Variants in NCF2 observed in about 807,000 individuals in gnomAD.
The protein encoded by NCF2 is neutrophil cytosolic factor 2, also known as neutrophil cytosol factor 2.
Under a neutral mutation model 70.9 loss-of-function variants are expected in NCF2, and 45 were observed. That is an observed-to-expected ratio of 0.63 (90% CI 0.50 to 0.81). NCF2 has a LOEUF of 0.81. Among genes scored for constraint, NCF2 ranks in the 40% least tolerant of loss-of-function variants. The pLI, the probability that NCF2 is intolerant of heterozygous loss-of-function variation, is 0.00. For synonymous variants in NCF2, 203 were observed against 233.6 expected (o/e 0.87, Z 1.19); for missense variants, 522 against 631.6 (o/e 0.83, Z 1.86).
At chr1:183,581,345 G>C (rs1256520286) in intron 2 of NCF2, among the ~76,000 whole-genome samples, 4 of 150,620 alleles carry the variant, frequency 2.7e-5, no homozygotes, top group Admixed American at 2.6e-4. Context: ...AAAAAACAGG[G>C]TGGGGCCAGG....
chr1:183,560,291 C>T lies in NCF2; in HGVS notation c.1291-18G>A, dbSNP rs749907634. 6.2e-7 allele frequency: 1 copy of T among 1,614,068 alleles called. No homozygotes were observed. Among genetic ancestry groups the T allele is most frequent in the Non-Finnish European group, 8.5e-7 (1 of 1,179,944 alleles). On this transcript the variant is annotated intron_variant, in intron 13 of 14. Transcript: ENST00000367535. ...TGGTCACCCTGAAATAATAAAGGGCCTGTTAATTTTCCCAATTTCCTGCCA... is the reference window on the plus strand; with the variant it reads ...TGGTCACCCTGAAATAATAAAGGGCTTGTTAATTTTCCCAATTTCCTGCCA...
In NCF2 at chr1:183,556,123, C is replaced by T. The variant is rs762269733; in HGVS notation, c.1576G>A (p.Val526Ile). ...TTTGTAGTTTGTGAAACATCCTAGA[C>T]TTCTCTCCGAGTGCTTTCCAAATCT... ...TTDLESTRRE[V>I] The change falls in exon 15 of 15, where the codon GTC becomes ATC. Residue 526 changes from valine (V) to isoleucine (I), a missense_variant. By Grantham distance (29) the Val-to-Ile change is conservative (BLOSUM62 3). Transcript: ENST00000367535. 6.2e-7 allele frequency: 1 copy of T among 1,613,790 alleles called. No homozygotes were observed. The highest frequency in any genetic ancestry group is 8.5e-7 in the Non-Finnish European group (1 of 1,179,654).
chr1:183,593,750 T>G (rs1673727242), upstream of NCF2, among the ~76,000 whole-genome samples: 2 of 152,208 alleles, frequency 1.3e-5, no homozygotes, highest in South Asian at 4.1e-4. Context: ...GGCAGTCTAT[T>G]TAATCATTAC....
At chr1:183,601,103 C>G in the NCF2 span, among the ~76,000 whole-genome samples, 1 of 152,200 alleles carries the variant, frequency 6.6e-6, no homozygotes, top group African/African-American at 2.4e-5. Context: ...ACTCTTCCTG[C>G]CCATCAGAAA....
At chr1:183,575,096 G>A (rs1207921354) in intron 3 of NCF2, among the ~76,000 whole-genome samples, 1 of 152,206 alleles carries the variant, frequency 6.6e-6, no homozygotes, top group Non-Finnish European at 1.5e-5. Context: ...CAGGTACAGA[G>A]CCGGAAGATG....
At chr1:183,567,408 A>C (rs772674498) in intron 7 of NCF2, 63 bp from the exon 8 acceptor site, 4 of 1,606,780 alleles carry the variant, frequency 2.5e-6, no homozygotes, top group South Asian at 1.1e-5. Context: ...GCGCAAATAC[A>C]CTGAACTTGG....
chr1:183,585,496 G>A (rs1299950465), intron 2 of NCF2, among the ~76,000 whole-genome samples: 1 of 151,904 alleles, frequency 6.6e-6, no homozygotes, highest in East Asian at 1.9e-4. Context: ...GTAGTGGCGG[G>A]CACCTGTAAT....
chr1:183,599,798 C>T, the NCF2 span, among the ~76,000 whole-genome samples: 2 of 152,046 alleles, frequency 1.3e-5, no homozygotes, highest in East Asian at 3.9e-4. Flanking sequence ...GGTGAAACGC[C>T]CACCTCAGCC....
chr1:183,584,974 G>A (rs148058862), intron 2 of NCF2, among the ~76,000 whole-genome samples: 146 of 152,244 alleles, frequency 9.6e-4, no homozygotes, highest in South Asian at 3.3e-3. Flanking sequence ...TAAATGCCTG[G>A]ATATCTTCTC....
intron 7 of NCF2, 54 bp from the exon 8 acceptor site, chr1:183,567,399 C>G (rs112923747): frequency 1.2e-6 from 2 of 1,609,898 alleles, no homozygotes; most frequent in Non-Finnish European, 1.7e-6. Context: ...GATGCCATGG[C>G]GCAAATACAC....
At position 183,573,207 on chromosome 1, in the gene NCF2, T is replaced by C; in HGVS notation, c.587A>G (p.Lys196Arg). Reference sequence around the variant, plus strand: ...TACCGTCGCCTTGCCTAGGTAATCCTTCTTGGCCAGCTGAGCCACTTGTCT... The same window carrying C: ...TACCGTCGCCTTGCCTAGGTAATCCCTCTTGGCCAGCTGAGCCACTTGTCT... ...NERQVAQLAK[K>R]DYLGKATVVA... is the part of the protein sequence containing the mutation. Residue 196 changes from lysine to arginine, a missense_variant, in exon 5 of 15, where the codon AAG (lysine) becomes AGG (arginine). Physicochemically the swap from Lys to Arg is conservative, Grantham distance 26. Coordinates refer to ENST00000367535, the MANE Select transcript of NCF2 (RefSeq NM_000433.4). 6.2e-7 allele frequency: 1 copy of C among 1,614,132 alleles called. No individual in the cohort carries two copies. Among genetic ancestry groups the C allele is most frequent in the South Asian group, 1.1e-5 (1 of 91,080 alleles).
the NCF2 span, among the ~76,000 whole-genome samples, chr1:183,599,423 C>CTTCTTTCCTTCT: frequency 3.7e-5 from 4 of 107,508 alleles, no homozygotes; most frequent in Non-Finnish European, 5.7e-5. Context: ...TCTTTCTTTC[C>CTTCTTTCCTTCT]TTCTTTCTTT....
At chr1:183,570,899 C>G in intron 5 of NCF2, 60 bp from the exon 6 acceptor site, 1 of 1,565,458 alleles carries the variant, frequency 6.4e-7, no homozygotes, top group Non-Finnish European at 8.8e-7. Flanking sequence ...TCTTCTGGGT[C>G]TCCCTCTTTG....
At chr1:183,582,299 G>C (rs1673154588) in intron 2 of NCF2, among the ~76,000 whole-genome samples, 1 of 152,216 alleles carries the variant, frequency 6.6e-6, no homozygotes, top group African/African-American at 2.4e-5. Flanking sequence ...GCTTCCTGCA[G>C]GGCTCTGCTG....
intron 3 of NCF2, among the ~76,000 whole-genome samples, chr1:183,577,254 T>G (rs1275027629): frequency 2.0e-5 from 3 of 152,238 alleles, no homozygotes; most frequent in Non-Finnish European, 1.5e-5. Flanking sequence ...CTTGTCAATC[T>G]GAAGTGCCAA....
chr1:183,601,384 G>A, the NCF2 span, among the ~76,000 whole-genome samples: 9 of 152,174 alleles, frequency 5.9e-5, no homozygotes, highest in African/African-American at 1.7e-4. Flanking sequence ...TGTGAGGAAT[G>A]TTCTTGTATA....
At chr1:183,592,693 A>T (rs576746071), upstream of NCF2, among the ~76,000 whole-genome samples, 85 of 152,350 alleles carry the variant, frequency 5.6e-4, no homozygotes, top group African/African-American at 1.9e-3. Context: ...TTCCTGAGAA[A>T]ACCAAATGGA....
Position 183,576,505 on chromosome 1 carries a change from G to A in NCF2, c.366+1094C>T, listed in dbSNP as rs34307026. Among the ~76,000 whole-genome samples the A allele has an allele frequency of 6.9e-3, 1,056 of 152,278 alleles. 3 individuals are homozygous for A. Among genetic ancestry groups the A allele is most frequent in the Non-Finnish European group, 0.011 (780 of 68,024 alleles). On this transcript the variant is annotated intron_variant, in intron 3 of 14. Coordinates refer to ENST00000367535, the MANE Select transcript of NCF2 (RefSeq NM_000433.4). ...GTAGCATCTAAAAGCTAGAGATGCC[G>A]TCAAAGTTCCCACGATGCGCAGGAC...
intron 6 of NCF2, among the ~76,000 whole-genome samples, chr1:183,569,645 G>A (rs1159363049): frequency 6.6e-6 from 1 of 152,174 alleles, no homozygotes; most frequent in African/African-American, 2.4e-5. Context: ...CTGGAGTGCA[G>A]TGGCGCGATC....
Sources: allele counts gnomAD v4.1 joint callset (sites outside exome capture counted in the v4.1 genomes callset), GRCh38; gene constraint gnomAD v4.1.1; transcripts MANE v1.5; gene names NCBI Gene and HGNC (gene_info 2026-07-23, HGNC 2026-07-21).